The following LRRC37A3 variants were observed in gnomAD, a reference collection of about 807,000 sequenced individuals.
The protein encoded by LRRC37A3 is leucine rich repeat containing 37 member A3, also known as leucine-rich repeat-containing protein 37A3.
In LRRC37A3, 25 loss-of-function variants were observed where a neutral mutation model predicts 106.2. That is an observed-to-expected ratio of 0.24 (90% CI 0.17 to 0.33). The LOEUF (loss-of-function observed/expected upper bound fraction) is 0.33, where lower values mean the gene tolerates loss of function less well. Among genes scored for constraint, LRRC37A3 ranks in the 10% least tolerant of loss-of-function variants. The pLI, the probability that LRRC37A3 is intolerant of heterozygous loss-of-function variation, is 1.00. For missense variants in LRRC37A3, 712 were observed against 1,644.9 expected (o/e 0.43, Z 9.81); for synonymous variants, 305 against 635.8 (o/e 0.48, Z 7.83).
chr17:64,891,770 C>G (rs898071719), intron 5 of LRRC37A3, among the ~76,000 whole-genome samples: 1 of 143,482 alleles, frequency 7.0e-6, no homozygotes, highest in Non-Finnish European at 1.5e-5. Flanking sequence ...AAGATGTTAC[C>G]CTTTATGCGA....
intron 8 of LRRC37A3, among the ~76,000 whole-genome samples, chr17:64,875,559 C>A (rs1241345848): frequency 6.6e-6 from 1 of 152,056 alleles, no homozygotes; most frequent in Non-Finnish European, 1.5e-5. Flanking sequence ...GAGGCTGAGG[C>A]TGGAGGATCA....
chr17:64,858,617 A>G (rs752405556), intron 13 of LRRC37A3, among the ~76,000 whole-genome samples, 162 bp downstream of exon 13: 12 of 152,296 alleles, frequency 7.9e-5, no homozygotes, highest in Middle Eastern at 6.8e-3. Context: ...CCTGAAATAT[A>G]CACTGCAGTA....
chr17:64,859,371 T>C (rs1459369162), intron 12 of LRRC37A3, 71 bp downstream of exon 12: 50 of 1,415,562 alleles, frequency 3.5e-5, no homozygotes, highest in Non-Finnish European at 4.8e-5. Context: ...CAGATTCTTC[T>C]GTGTGGGCAC....
intron 9 of LRRC37A3, 33 bp downstream of exon 9, chr17:64,869,062 T>C (rs1220080390): frequency 2.5e-6 from 4 of 1,572,840 alleles, no homozygotes. Context: ...GCATAAATCA[T>C]CTCTTGACTC....
At chr17:64,879,470 G>GCTC (rs1266149824) in intron 8 of LRRC37A3, among the ~76,000 whole-genome samples, 1 of 152,004 alleles carries the variant, frequency 6.6e-6, no homozygotes, top group East Asian at 1.9e-4. Context: ...TGAGTCAGTG[G>GCTC]CGAGGCTGGG....
rs1488535022 is a variant in LRRC37A3, at chr17:64,859,956, A to G, written c.4190T>C (p.Phe1397Ser). ...NTKDTTARNA[F>S]EENVFMENTN... ...GTTTTCCATAAAAACATTTTCTTCAAAGGCATTTCTTGCAGTTGTGTCTTT... is the reference window on the plus strand; with the variant it reads ...GTTTTCCATAAAAACATTTTCTTCAGAGGCATTTCTTGCAGTTGTGTCTTT... The change falls in exon 12 of 15, where the codon TTT becomes TCT. Residue 1397 changes from phenylalanine to serine, a missense_variant. Transcript: ENST00000584306. 1.2e-6 allele frequency: 2 copies of G among 1,613,760 alleles called. No homozygotes were observed. Among genetic ancestry groups the G allele is most frequent in the Non-Finnish European group, 1.7e-6 (2 of 1,179,842 alleles).
At chr17:64,874,283 C>T (rs1295896504) in intron 8 of LRRC37A3, among the ~76,000 whole-genome samples, 1 of 152,214 alleles carries the variant, frequency 6.6e-6, no homozygotes, top group Non-Finnish European at 1.5e-5. Context: ...GTGAGGAGCG[C>T]CTCTGCCCGG....
At chr17:64,872,210 CAAAAAAA>C (rs60703427) in intron 8 of LRRC37A3, among the ~76,000 whole-genome samples, 681 of 61,860 alleles carry the variant, frequency 0.011, 8 homozygotes, top group African/African-American at 0.036. Context: ...AAAAAATAGC[CAAAAAAA>C]AAAAAAAAAA....
chr17:64,884,368 A>G (rs1403826578), intron 8 of LRRC37A3, among the ~76,000 whole-genome samples: 1 of 150,868 alleles, frequency 6.6e-6, no homozygotes, highest in Non-Finnish European at 1.5e-5. Context: ...TTATTATTAT[A>G]TTATTATTAT....
intron 8 of LRRC37A3, among the ~76,000 whole-genome samples, chr17:64,881,763 C>A (rs114516295): frequency 1.3e-5 from 2 of 149,974 alleles, no homozygotes; most frequent in Non-Finnish European, 2.9e-5. Context: ...TGAAAGAGCA[C>A]GTCTAGTGCC....
In LRRC37A3 at chr17:64,854,418, T is replaced by C. The variant is rs1466294959; in HGVS notation, c.*181A>G. On this transcript the variant is annotated 3_prime_UTR_variant, in exon 15 of 15. Transcript: ENST00000584306. ...GTAAAATCTCCACCCCCTGAGCATA[T>C]GTTTTCAGGTCTGGGTGACTAATTA... The C allele has an allele frequency of 1.1e-5, 10 of 883,232 alleles. No homozygotes were observed. The highest frequency in any genetic ancestry group is 1.4e-5 in the Non-Finnish European group (8 of 570,202). 54.7% of individuals were successfully genotyped at this position (883,232 alleles called of 1,614,324 possible).
intron 2 of LRRC37A3, among the ~76,000 whole-genome samples, chr17:64,901,720 C>G (rs1389431765): frequency 1.4e-5 from 2 of 140,530 alleles, no homozygotes; most frequent in African/African-American, 3.3e-5. Flanking sequence ...TGAGAGCAAT[C>G]AGGGCCACCT....
intron 10 of LRRC37A3, among the ~76,000 whole-genome samples, chr17:64,866,626 ATATT>A (rs1973113040): frequency 4.4e-5 from 1 of 22,514 alleles, no homozygotes; most frequent in Non-Finnish European, 6.9e-5. Context: ...ATATATATAT[ATATT>A]TTTTTTTTTT....
chr17:64,881,229 TTTC>T (rs1973691910), intron 8 of LRRC37A3: 1 of 689,840 alleles, frequency 1.4e-6, no homozygotes, highest in South Asian at 1.5e-5. Context: ...AGTGAGCCTT[TTTC>T]TTTTCTTTTC....
At chr17:64,864,504 C>T (rs1198767925) in intron 10 of LRRC37A3, among the ~76,000 whole-genome samples, 2 of 152,028 alleles carry the variant, frequency 1.3e-5, no homozygotes, top group Non-Finnish European at 2.9e-5. Flanking sequence ...AAAGAGGTAA[C>T]CGAGACAACT....
chr17:64,906,786 C>T (rs1974469893), intron 2 of LRRC37A3, among the ~76,000 whole-genome samples: 1 of 139,406 alleles, frequency 7.2e-6, no homozygotes, highest in East Asian at 2.1e-4. Context: ...GGCTGGAGTG[C>T]AGTGGCACGA....
intron 2 of LRRC37A3, among the ~76,000 whole-genome samples, chr17:64,909,034 C>T (rs1974525501): frequency 6.6e-6 from 1 of 152,088 alleles, no homozygotes; most frequent in African/African-American, 2.4e-5. Flanking sequence ...TTCAGCCTCC[C>T]AAAGTGCTGG....
chr17:64,859,972 T>G lies in LRRC37A3; in HGVS notation c.4174A>C (p.Thr1392Pro). Residue 1392 changes from threonine (T) to proline (P), a missense_variant, in exon 12 of 15, where the codon ACT becomes CCT. By Grantham distance (38) the Thr-to-Pro change is conservative (BLOSUM62 -1). Coordinates refer to ENST00000584306, the MANE Select transcript of LRRC37A3 (RefSeq NM_199340.5). ...TTTTCTTCAAAGGCATTTCTTGCAG[T>G]TGTGTCTTTTGTATTATTGTTTTCT... ...FIENNNTKDT[T>P]ARNAFEENVF... is the part of the protein sequence containing the mutation. 4 of 1,613,698 alleles carry G rather than the reference T, an allele frequency of 2.5e-6. No homozygotes were observed. The highest frequency in any genetic ancestry group is 3.4e-6 in the Non-Finnish European group (4 of 1,179,870).
At chr17:64,866,801 T>TTATATATATATATA (rs61583094) in intron 10 of LRRC37A3, among the ~76,000 whole-genome samples, 3 of 124,706 alleles carry the variant, frequency 2.4e-5, no homozygotes, top group African/African-American at 9.5e-5. Context: ...TGGCTGATTT[T>TTATATATATATATA]TATATATATA....
Sources: gnomAD v4.1 joint callset for allele counts (sites outside exome capture counted in the v4.1 genomes callset) on GRCh38, gnomAD v4.1.1 for gene constraint, MANE v1.5 for transcripts, NCBI Gene and HGNC (gene_info 2026-07-23, HGNC 2026-07-21) for gene names.